The following GNAS-AS1 variants were observed in gnomAD, a reference collection of about 807,000 sequenced individuals.
GNAS-AS1 encodes the protein GNAS antisense RNA 1 (non-protein coding).
chr20:58,820,615 G>T (rs563166154), intron 4 of GNAS-AS1, among the ~76,000 whole-genome samples: 1 of 152,328 alleles, frequency 6.6e-6, no homozygotes, highest in South Asian at 2.1e-4. Flanking sequence ...ACCTGAGACT[G>T]GGCAATTTAC....
chr20:58,831,448 G>A (rs368438804), intron 4 of GNAS-AS1, among the ~76,000 whole-genome samples: 15 of 152,220 alleles, frequency 9.9e-5, no homozygotes, highest in African/African-American at 3.1e-4. Flanking sequence ...AGGCCGAGGC[G>A]GGCAGATCAC....
At chr20:58,830,415 CACCACCACCGCCACACCACCATCATT>C (rs2085552801) in intron 4 of GNAS-AS1, among the ~76,000 whole-genome samples, 2 of 144,314 alleles carry the variant, frequency 1.4e-5, no homozygotes, top group Non-Finnish European at 1.5e-5. Flanking sequence ...ACACCACCAT[CACCACCACCGCCACACCACCATCATT>C]ACCACCACCA....
chr20:58,820,374 C>A (rs2085477832), intron 4 of GNAS-AS1, among the ~76,000 whole-genome samples: 1 of 152,224 alleles, frequency 6.6e-6, no homozygotes, highest in African/African-American at 2.4e-5. Context: ...ACCACAGTAA[C>A]CGGAGCCATA....
At chr20:58,829,668 C>T (rs990423959) in intron 4 of GNAS-AS1, among the ~76,000 whole-genome samples, 1 of 152,230 alleles carries the variant, frequency 6.6e-6, no homozygotes, top group Non-Finnish European at 1.5e-5. Context: ...CCCCCTGCTG[C>T]CACATGCTCA....
Position 58,837,426 on chromosome 20 carries a change from C to T in GNAS-AS1, n.819+4511G>A, listed in dbSNP as rs147081460. Among the ~76,000 whole-genome samples, 945 of 152,300 alleles carry T rather than the reference C, an allele frequency of 6.2e-3. 11 individuals are homozygous for T. The highest frequency in any genetic ancestry group is 0.022 in the African/African-American group (913 of 41,562). ...CACGCAGGCACCTGTGATAATAAAA[C>T]CCTTGCTGTTCCACAGGAAAAGTGG... On this transcript the variant is annotated intron_variant and non_coding_transcript_variant, in intron 4 of 4. Coordinates refer to ENST00000424094, the Ensembl canonical transcript of GNAS-AS1.
At chr20:58,824,004 AGATACAGAGAAAGGCTTCATT>A (rs2085503889) in intron 4 of GNAS-AS1, 8 of 398,688 alleles carry the variant, frequency 2.0e-5, no homozygotes, top group Non-Finnish European at 3.1e-5. Context: ...CCCCACAGGG[AGATACAGAGAAAGGCTTCATT>A]TTCCTGACAC....
At chr20:58,823,273 C>T (rs2085497914) in intron 4 of GNAS-AS1, among the ~76,000 whole-genome samples, 1 of 152,236 alleles carries the variant, frequency 6.6e-6, no homozygotes, top group African/African-American at 2.4e-5. Flanking sequence ...GCCCCCATGC[C>T]TGTGCGTCCA....
At chr20:58,819,952 C>G (rs1164101249) in intron 4 of GNAS-AS1, among the ~76,000 whole-genome samples, 1 of 152,226 alleles carries the variant, frequency 6.6e-6, no homozygotes, top group East Asian at 1.9e-4. Flanking sequence ...CGCACCCCGC[C>G]CCAGGTGACC....
chr20:58,832,526 A>C (rs1292870349), intron 4 of GNAS-AS1, among the ~76,000 whole-genome samples: 2 of 152,242 alleles, frequency 1.3e-5, no homozygotes, highest in African/African-American at 4.8e-5. Flanking sequence ...TGCAGTGAGA[A>C]GGCATTTGCC....
At chr20:58,829,702 T>G (rs1313566165) in intron 4 of GNAS-AS1, among the ~76,000 whole-genome samples, 1 of 152,236 alleles carries the variant, frequency 6.6e-6, no homozygotes, top group African/African-American at 2.4e-5. Flanking sequence ...AGCTCAAGTG[T>G]GCACGTATCA....
At position 58,840,855 on chromosome 20, in the gene GNAS-AS1, C is replaced by G; in HGVS notation, n.819+1082G>C. 6.2e-7 allele frequency: 1 copy of G among 1,612,784 alleles called. No individual in the cohort carries two copies. The highest frequency in any genetic ancestry group is 8.5e-7 in the Non-Finnish European group (1 of 1,179,928). On this transcript the variant is annotated intron_variant and non_coding_transcript_variant, in intron 4 of 4. Transcript: ENST00000424094. The surrounding 1 kb of genome is among the most constrained non-coding windows in gnomAD (Gnocchi z 6.0). ...ATCCGGCGTCACTAATGGAGGACGCCGTCCAGATTCTCCTTGTTTTCATGG... is the reference window on the plus strand; with the variant it reads ...ATCCGGCGTCACTAATGGAGGACGCGGTCCAGATTCTCCTTGTTTTCATGG...
intron 4 of GNAS-AS1, chr20:58,839,808 G>A: frequency 1.7e-6 from 1 of 585,674 alleles, no homozygotes; most frequent in South Asian, 2.1e-5. Context: ...CGAGTCTTAG[G>A]CTGCGGAATC....
chr20:58,834,127 G>C (rs1473193708), intron 4 of GNAS-AS1: 4 of 152,222 alleles, frequency 2.6e-5, no homozygotes, highest in Non-Finnish European at 5.9e-5. Context: ...CCTCCCAGAA[G>C]TCTGATGGGG....
rs2145474885 is a variant in GNAS-AS1 at position 58,840,972 on chromosome 20, C to T, written n.819+965G>A. On this transcript the variant is annotated intron_variant and non_coding_transcript_variant, in intron 4 of 4. Transcript: ENST00000424094. The surrounding 1 kb of genome is among the most constrained non-coding windows in gnomAD (Gnocchi z 6.0). ...AAGGAGGTGAGAAGGAAAGGCAGGT[C>T]AGGGGCGAGTGGGAAGAGAGGAGGC... The T allele has an allele frequency of 7.1e-7, 1 of 1,418,038 alleles. No homozygotes were observed. The highest frequency in any genetic ancestry group is 9.8e-7 in the Non-Finnish European group (1 of 1,024,036). 87.8% of individuals were successfully genotyped at this position (1,418,038 alleles called of 1,614,324 possible). A position where few individuals can be genotyped will look rare whatever the true frequency, so the allele number is the denominator to read the frequency against.
chr20:58,847,044 G>A (rs1230640810), intron 2 of GNAS-AS1, among the ~76,000 whole-genome samples: 1 of 152,148 alleles, frequency 6.6e-6, no homozygotes, highest in Non-Finnish European at 1.5e-5. Flanking sequence ...TCTGGAGAAG[G>A]AATCCACAAA....
intron 4 of GNAS-AS1, chr20:58,833,858 G>A (rs2085583922): frequency 1.3e-5 from 2 of 152,214 alleles, no homozygotes; most frequent in Admixed American, 6.5e-5. Context: ...GAATGACGCC[G>A]ATTTCTCCCC....
rs368771328 is a variant in GNAS-AS1, at chr20:58,828,299, T to C, written n.820-9044A>G. ...TAATAAGGAGCTGGAGGAATGTCAG[T>C]TCTAAAGTGATCAAGAAAAGAATGT... On this transcript the variant is annotated intron_variant and non_coding_transcript_variant, in intron 4 of 4. Transcript: ENST00000424094. Among the ~76,000 whole-genome samples, 9 of 152,370 alleles carry C rather than the reference T, an allele frequency of 5.9e-5. No individual in the cohort carries two copies. The East Asian group carries it at 1.7e-3, about 29-fold the overall frequency.
intron 2 of GNAS-AS1, among the ~76,000 whole-genome samples, chr20:58,845,163 G>C (rs1196809473): frequency 6.6e-6 from 1 of 152,212 alleles, no homozygotes; most frequent in African/African-American, 2.4e-5. Context: ...GCTAACCACT[G>C]TGGGGGACGG....
intron 4 of GNAS-AS1, among the ~76,000 whole-genome samples, chr20:58,838,132 T>C (rs74395447): frequency 0.06 from 9,130 of 152,268 alleles, 529 homozygotes; most frequent in African/African-American, 0.15. Context: ...GATTTTAGGA[T>C]GATGGCTTTG....
Sources: allele counts gnomAD v4.1 joint callset (sites outside exome capture counted in the v4.1 genomes callset), GRCh38; gene constraint gnomAD v4.1.1; non-coding constraint Gnocchi (gnomAD v3.1); transcripts MANE v1.5; gene names NCBI Gene and HGNC (gene_info 2026-07-23, HGNC 2026-07-21).